Variants in GPC6 observed in about 807,000 individuals in gnomAD.
GPC6 encodes glypican 6.
Under a neutral mutation model 55.2 loss-of-function variants are expected in GPC6, and 14 were observed. That is an observed-to-expected ratio of 0.25 (90% CI 0.17 to 0.40). The LOEUF (loss-of-function observed/expected upper bound fraction) is 0.40, where lower values mean the gene tolerates loss of function less well. Among genes scored for constraint, GPC6 ranks in the 10% least tolerant of loss-of-function variants. The probability of loss-of-function intolerance (pLI) is 1.00; values close to 1 mark genes in which losing one functional copy is unlikely to be tolerated. For missense variants in GPC6, 641 were observed against 708.5 expected (o/e 0.90, Z 1.08); for synonymous variants, 278 against 259.6 (o/e 1.07, Z -0.68).
chr13:93,717,258 G>A (rs988992722), intron 2 of GPC6, among the ~76,000 whole-genome samples: 6 of 151,490 alleles, frequency 4.0e-5, no homozygotes, highest in African/African-American at 1.5e-4. Flanking sequence ...ATAAATAAAA[G>A]GTCCAGTTTA....
At chr13:93,547,617 A>C (rs1403918644) in intron 2 of GPC6, among the ~76,000 whole-genome samples, 7 of 152,122 alleles carry the variant, frequency 4.6e-5, no homozygotes, top group Non-Finnish European at 8.8e-5. Context: ...ATCTGACCTA[A>C]GGGAGGATGA....
At chr13:93,728,794 T>C (rs1883730436) in intron 2 of GPC6, among the ~76,000 whole-genome samples, 1 of 152,102 alleles carries the variant, frequency 6.6e-6, no homozygotes, top group South Asian at 2.1e-4. Flanking sequence ...TTCGAACTCC[T>C]GACCTCAGGT....
At chr13:93,835,219 C>T (rs948788468) in intron 3 of GPC6, among the ~76,000 whole-genome samples, 1 of 152,030 alleles carries the variant, frequency 6.6e-6, no homozygotes, top group African/African-American at 2.4e-5. Flanking sequence ...TTGAGGAGGC[C>T]GAGGCAGGTA....
intron 3 of GPC6, among the ~76,000 whole-genome samples, chr13:93,945,825 A>C (rs949366580): frequency 6.6e-6 from 1 of 152,220 alleles, no homozygotes; most frequent in African/African-American, 2.4e-5. Context: ...AAATGAATGT[A>C]GTTCCAACAT....
At chr13:94,271,935 A>C (rs1290497777) in intron 4 of GPC6, among the ~76,000 whole-genome samples, 2 of 152,210 alleles carry the variant, frequency 1.3e-5, no homozygotes, top group African/African-American at 4.8e-5. Context: ...TTCACTTCCT[A>C]AAATGAGTTT....
chr13:94,386,569 AAC>A (rs1232192332), intron 7 of GPC6, among the ~76,000 whole-genome samples: 2 of 152,174 alleles, frequency 1.3e-5, no homozygotes, highest in Non-Finnish European at 2.9e-5. Flanking sequence ...CAGCCTGAGC[AAC>A]AGAGTGAGAT....
intron 1 of GPC6, among the ~76,000 whole-genome samples, chr13:93,360,779 T>A (rs1881016837): frequency 6.6e-6 from 1 of 152,154 alleles, no homozygotes; most frequent in South Asian, 2.1e-4. Context: ...GTTAGAAATA[T>A]ATTCAATAGG....
At chr13:94,219,033 T>G (rs1890305887) in intron 4 of GPC6, among the ~76,000 whole-genome samples, 1 of 151,996 alleles carries the variant, frequency 6.6e-6, no homozygotes, top group East Asian at 1.9e-4. Context: ...ATAGCCTGAA[T>G]TGATTCACAT....
chr13:93,594,001 G>A (rs1331597061), intron 2 of GPC6, among the ~76,000 whole-genome samples: 2 of 152,020 alleles, frequency 1.3e-5, no homozygotes, highest in Non-Finnish European at 2.9e-5. Context: ...ATATATATGG[G>A]TTTGTATGTA....
At chr13:93,454,752 G>A (rs992613726) in intron 1 of GPC6, among the ~76,000 whole-genome samples, 6 of 152,246 alleles carry the variant, frequency 3.9e-5, no homozygotes, top group African/African-American at 1.4e-4. Flanking sequence ...CGGGCTGCAG[G>A]TGGAGCTGCC....
chr13:93,272,478 T>G (rs1877564145), intron 1 of GPC6, among the ~76,000 whole-genome samples: 1 of 130,480 alleles, frequency 7.7e-6, no homozygotes, highest in South Asian at 2.5e-4. Context: ...AATGAGGTGA[T>G]TCATTGTCTG....
At chr13:93,298,344 T>C (rs1018860382) in intron 1 of GPC6, among the ~76,000 whole-genome samples, 1 of 152,198 alleles carries the variant, frequency 6.6e-6, no homozygotes, top group Non-Finnish European at 1.5e-5. Flanking sequence ...TGCTTCTGCT[T>C]ATCTTCCCAG....
chr13:94,154,311 T>C (rs1887850593), intron 4 of GPC6: 4 of 152,152 alleles, frequency 2.6e-5, no homozygotes, highest in African/African-American at 9.7e-5. Flanking sequence ...TATAACATAT[T>C]GTAACCCACT....
chr13:93,363,870 A>T (rs534729225), intron 1 of GPC6, among the ~76,000 whole-genome samples: 51 of 151,892 alleles, frequency 3.4e-4, no homozygotes, highest in African/African-American at 9.4e-4. Flanking sequence ...TTGATTTGCA[A>T]TTCTCTGATG....
intron 3 of GPC6, among the ~76,000 whole-genome samples, chr13:93,835,284 A>G (rs527588130): frequency 2.6e-5 from 4 of 151,958 alleles, no homozygotes; most frequent in Non-Finnish European, 4.4e-5. Context: ...GTAAAATCCT[A>G]TCTCTACAAA....
intron 3 of GPC6, among the ~76,000 whole-genome samples, chr13:93,870,990 T>C (rs1176640566): frequency 6.6e-6 from 1 of 151,890 alleles, no homozygotes; most frequent in Admixed American, 6.6e-5. Context: ...TTTTTTTTCC[T>C]AAGTGAAAGC....
intron 4 of GPC6, among the ~76,000 whole-genome samples, chr13:94,102,547 G>T (rs554817473): frequency 6.6e-6 from 1 of 150,414 alleles, no homozygotes; most frequent in Non-Finnish European, 1.5e-5. Flanking sequence ...TAAAAACTAA[G>T]CCTTGTTAAT....
chr13:94,104,237 G>A (rs533674246), intron 4 of GPC6, among the ~76,000 whole-genome samples: 11 of 152,200 alleles, frequency 7.2e-5, no homozygotes, highest in African/African-American at 1.7e-4. Flanking sequence ...TGTTCCATTG[G>A]TCTATATCTC....
At chr13:94,131,632 C>G (rs746190955) in intron 4 of GPC6, among the ~76,000 whole-genome samples, 6 of 152,090 alleles carry the variant, frequency 3.9e-5, no homozygotes, top group Middle Eastern at 3.4e-3. Context: ...CTTTAGAGTT[C>G]AAAAACAGAG....
Sources: gnomAD v4.1 joint callset for allele counts (sites outside exome capture counted in the v4.1 genomes callset) on GRCh38, gnomAD v4.1.1 for gene constraint, MANE v1.5 for transcripts, NCBI Gene and HGNC (gene_info 2026-07-23, HGNC 2026-07-21) for gene names.